KLRG1: variants seen among roughly 807,000 people sequenced by gnomAD.
The protein encoded by KLRG1 is killer cell lectin-like receptor subfamily G member 1.
A neutral mutation model predicts 21.8 loss-of-function variants in KLRG1; 16 were observed. The observed-to-expected ratio is 0.73, with a 90% CI of 0.50 to 1.11. KLRG1 has a LOEUF of 1.11. Among genes scored for constraint, KLRG1 ranks in the 50% most tolerant of loss-of-function variants. The pLI is 0.00. For missense variants in KLRG1, 173 were observed against 218.3 expected, an observed-to-expected ratio of 0.79 and a Z score of 1.31; for synonymous variants, 69 against 75.9, an observed-to-expected ratio of 0.91 and a Z score of 0.47.
chr12:9,016,401 C>G, the KLRG1 span, among the ~76,000 whole-genome samples: 1 of 152,016 alleles, frequency 6.6e-6, no homozygotes, highest in Admixed American at 6.6e-5. Flanking sequence ...AATTGAAAAA[C>G]CTAGAAGAAA....
At chr12:9,028,490 C>T in the KLRG1 span, among the ~76,000 whole-genome samples, 3 of 148,954 alleles carry the variant, frequency 2.0e-5, no homozygotes, top group Non-Finnish European at 1.5e-5. Context: ...GTCACCCAGA[C>T]TGGAGTGCAG....
Position 8,975,059 on chromosome 12 carries a change from C to G in KLRG1, c.-155-17147C>G, listed in dbSNP as rs565257404. 2.2e-3 allele frequency among the ~76,000 whole-genome samples: 330 copies of G among 152,082 alleles called. 1 individual carries two copies. The highest frequency in any genetic ancestry group is 4.0e-3 in the Non-Finnish European group (270 of 67,980). On this transcript the variant is annotated intron_variant, in intron 1 of 4. Coordinates refer to the KLRG1 transcript ENST00000539240. The stretch of plus-strand genomic sequence containing the variant: ...TACAGGCACCTGTCACCATGCCTGG[C>G]TAATTTTTTTTTGTATTTTTAGTAG...
At chr12:9,159,760 C>T in the KLRG1 span, among the ~76,000 whole-genome samples, 1 of 151,528 alleles carries the variant, frequency 6.6e-6, no homozygotes, top group African/African-American at 2.4e-5. Flanking sequence ...CAACTAGATG[C>T]GGCCCCTAGA....
the KLRG1 span, among the ~76,000 whole-genome samples, chr12:9,018,938 T>C: frequency 6.6e-6 from 1 of 152,008 alleles, no homozygotes; most frequent in Admixed American, 6.6e-5. Context: ...TAGGATAGCA[T>C]CCAGTTAAAA....
chr12:9,091,142 T>A, the KLRG1 span: 8 of 1,562,646 alleles, frequency 5.1e-6, no homozygotes, highest in Admixed American at 1.4e-4. Flanking sequence ...TTCCTAGGAA[T>A]GCAACTTTTA....
At chr12:9,199,865 T>C in the KLRG1 span, among the ~76,000 whole-genome samples, 2 of 152,126 alleles carry the variant, frequency 1.3e-5, no homozygotes, top group East Asian at 1.9e-4. Context: ...AAATTTCCGT[T>C]GTAGAGAGTT....
At chr12:8,951,914 G>A (rs1017282786) in intron 1 of KLRG1, among the ~76,000 whole-genome samples, 2 of 152,166 alleles carry the variant, frequency 1.3e-5, no homozygotes, top group African/African-American at 4.8e-5. Context: ...CAGAGTGGAA[G>A]CAGGGGTAGT....
At chr12:9,027,334 C>A in the KLRG1 span, among the ~76,000 whole-genome samples, 1 of 151,822 alleles carries the variant, frequency 6.6e-6, no homozygotes, top group East Asian at 1.9e-4. Flanking sequence ...ACCAAAATAA[C>A]CTGTTATACA....
the KLRG1 span, chr12:9,162,641 C>T: frequency 5.0e-6 from 8 of 1,592,328 alleles, no homozygotes; most frequent in East Asian, 1.1e-4. Flanking sequence ...TTGCTCAATA[C>T]CTTCAGCCTT....
chr12:9,196,211 A>G, the KLRG1 span: 1 of 599,264 alleles, frequency 1.7e-6, no homozygotes, highest in Non-Finnish European at 2.9e-6. Flanking sequence ...CCTTGGTTTC[A>G]TGGTTTTTGG....
the KLRG1 span, among the ~76,000 whole-genome samples, chr12:9,062,414 A>G: frequency 7.7e-6 from 1 of 129,836 alleles, no homozygotes; most frequent in South Asian, 2.6e-4. Context: ...TGGATAATGT[A>G]TCTGATATAT....
the KLRG1 span, chr12:9,111,525 T>G: frequency 6.6e-6 from 3 of 456,374 alleles, no homozygotes; most frequent in Non-Finnish European, 1.3e-5. Context: ...TCTGAATATA[T>G]TTTAAGCCAA....
chr12:9,012,968 G>A (rs1490262623), downstream of KLRG1, among the ~76,000 whole-genome samples: 2 of 152,182 alleles, frequency 1.3e-5, no homozygotes, highest in Non-Finnish European at 2.9e-5. Flanking sequence ...TAGGGTACTT[G>A]TGTCACTATT....
the KLRG1 span, chr12:9,166,102 C>T: frequency 1.8e-5 from 29 of 1,612,350 alleles, no homozygotes; most frequent in East Asian, 6.7e-5. Flanking sequence ...AGCTTCGCAC[C>T]GTTTCAGGGA....
At chr12:9,196,933 G>C in the KLRG1 span, 1 of 1,117,100 alleles carries the variant, frequency 9.0e-7, no homozygotes, top group Non-Finnish European at 1.3e-6. Flanking sequence ...TTGTCCTGAT[G>C]CCCTCTTTCT....
intron 1 of KLRG1, among the ~76,000 whole-genome samples, chr12:8,983,541 C>A (rs897663797): frequency 1.1e-4 from 16 of 151,538 alleles, no homozygotes; most frequent in Admixed American, 7.9e-4. Context: ...CCTGAGATTA[C>A]AGGCGCCTGC....
chr12:9,175,897 T>C, the KLRG1 span, among the ~76,000 whole-genome samples: 1 of 152,166 alleles, frequency 6.6e-6, no homozygotes, highest in Non-Finnish European at 1.5e-5. Flanking sequence ...GAAGAAAGTG[T>C]GGTGATTCCT....
chr12:9,122,446 T>C, the KLRG1 span, among the ~76,000 whole-genome samples: 2 of 152,264 alleles, frequency 1.3e-5, no homozygotes, highest in South Asian at 2.1e-4. Flanking sequence ...ATTTTAAAAG[T>C]AGGAAAGATA....
At chr12:9,137,523 C>T in the KLRG1 span, among the ~76,000 whole-genome samples, 1 of 151,874 alleles carries the variant, frequency 6.6e-6, no homozygotes, top group African/African-American at 2.4e-5. Context: ...TTTCTCATTC[C>T]CTATAAATTT....
Sources: allele counts gnomAD v4.1 joint callset (sites outside exome capture counted in the v4.1 genomes callset), GRCh38; gene constraint gnomAD v4.1.1; transcripts MANE v1.5; gene names NCBI Gene and HGNC (gene_info 2026-07-23, HGNC 2026-07-21).